The following FSIP1 variants were observed in gnomAD, a reference collection of about 807,000 sequenced individuals.
FSIP1 encodes the protein fibrous sheath interacting protein 1, also known as fibrous sheath-interacting protein 1.
FSIP1 carries 65 observed loss-of-function variants against 60.9 expected under a neutral mutation model. The observed-to-expected ratio is 1.07, with a 90% CI of 0.87 to 1.31. The LOEUF (loss-of-function observed/expected upper bound fraction) is 1.31, where lower values mean the gene tolerates loss of function less well. Among genes scored for constraint, FSIP1 ranks in the 40% most tolerant of loss-of-function variants. The pLI, the probability that FSIP1 is intolerant of heterozygous loss-of-function variation, is 0.00. For synonymous variants in FSIP1, 209 were observed against 221.2 expected (o/e 0.94, Z 0.49); for missense variants, 675 against 665.5 (o/e 1.01, Z -0.16).
chr15:39,779,465 A>G (rs1374029081), intron 1 of FSIP1, among the ~76,000 whole-genome samples: 1 of 152,216 alleles, frequency 6.6e-6, no homozygotes, highest in Admixed American at 6.5e-5. Flanking sequence ...AAAGATCTCT[A>G]GAATGTACTA....
intron 10 of FSIP1, among the ~76,000 whole-genome samples, chr15:39,707,265 G>A (rs1895312245): frequency 6.6e-6 from 1 of 152,044 alleles, no homozygotes; most frequent in Non-Finnish European, 1.5e-5. Context: ...AACCTCCCCT[G>A]GGCTACCTGA....
At chr15:39,744,667 T>G (rs1320675485) in intron 5 of FSIP1, among the ~76,000 whole-genome samples, 1 of 151,312 alleles carries the variant, frequency 6.6e-6, no homozygotes, top group Non-Finnish European at 1.5e-5. Context: ...CAACCACCCA[T>G]GACAGCTGCA....
In FSIP1 at chr15:39,738,215, T is replaced by C. The variant is rs1199579010; in HGVS notation, c.781-14A>G. 2.0e-6 allele frequency: 3 copies of C among 1,521,372 alleles called. No individual in the cohort carries two copies. The highest frequency in any genetic ancestry group is 3.5e-5 in the Admixed American group (2 of 57,780). The allele number at this position is 1,521,372 out of a possible 1,614,324, so 94.2% of individuals were successfully genotyped here. The stretch of plus-strand genomic sequence containing the variant: ...TTCCTTGGCCAACTACAGAATTTAT[T>C]AATGGAAAATATCATATACTCAAGG... On this transcript the variant is annotated splice_polypyrimidine_tract_variant and intron_variant, in intron 7 of 11. Transcript: ENST00000350221.
intron 11 of FSIP1, among the ~76,000 whole-genome samples, chr15:39,605,980 T>C (rs1890809427): frequency 6.6e-6 from 1 of 152,250 alleles, no homozygotes; most frequent in Non-Finnish European, 1.5e-5. Context: ...AGGTCTTCCC[T>C]ACCCAGAACC....
intron 10 of FSIP1, among the ~76,000 whole-genome samples, chr15:39,668,203 C>CA (rs5812129): frequency 5.1e-4 from 69 of 135,166 alleles, no homozygotes; most frequent in Admixed American, 1.6e-3. Context: ...ATTAAATTTC[C>CA]AAAAAAAAAA....
Position 39,758,437 on chromosome 15 carries a change from G to A in FSIP1, c.559+5384C>T, listed in dbSNP as rs900037019. On this transcript the variant is annotated intron_variant, in intron 5 of 11. Coordinates refer to ENST00000350221, the MANE Select transcript of FSIP1 (RefSeq NM_152597.5). ...TAGAAAAATCAGTATTTGACTCCTG[G>A]TTTCCAAACTATAGACATTGAGATA... Among the ~76,000 whole-genome samples the A allele has an allele frequency of 2.0e-5, 3 of 151,778 alleles. No individual in the cohort carries two copies. The South Asian group carries it at 6.2e-4, about 32-fold the overall frequency.
intron 10 of FSIP1, among the ~76,000 whole-genome samples, chr15:39,625,205 T>A (rs1420576195): frequency 1.3e-5 from 2 of 152,134 alleles, no homozygotes; most frequent in East Asian, 3.9e-4. Context: ...ATGGCTCGTC[T>A]CCCGTGGCCC....
intron 9 of FSIP1, 90 bp from the exon 10 acceptor site, chr15:39,713,671 C>A: frequency 4.2e-6 from 5 of 1,179,752 alleles, no homozygotes; most frequent in Non-Finnish European, 5.9e-6. Context: ...TGAGGGTTAG[C>A]TTTGCTTCTC....
chr15:39,747,741 C>T (rs569251844), intron 5 of FSIP1, among the ~76,000 whole-genome samples: 5 of 152,210 alleles, frequency 3.3e-5, no homozygotes, highest in Non-Finnish European at 7.4e-5. Flanking sequence ...TAATTTGGGC[C>T]TGGATGCTTG....
chr15:39,739,650 T>C lies in FSIP1; in HGVS notation c.780+15A>G. On this transcript the variant is annotated intron_variant, in intron 7 of 11. Transcript: ENST00000350221. ...TTAGCCCCAAATTCTGGCTTCTGAA[T>C]TTCTAAGTACATACCTCAATGTTTC... is the stretch of plus-strand genomic sequence containing the variant. The C allele has an allele frequency of 6.3e-7, 1 of 1,581,636 alleles. No homozygotes were observed. The highest frequency in any genetic ancestry group is 8.5e-7 in the Non-Finnish European group (1 of 1,172,472).
intron 2 of FSIP1, among the ~76,000 whole-genome samples, chr15:39,774,978 G>A (rs1452399226): frequency 1.3e-5 from 2 of 152,114 alleles, no homozygotes; most frequent in African/African-American, 4.8e-5. Flanking sequence ...TGATTTTGAG[G>A]TCTTCTGTTG....
At chr15:39,703,885 A>G (rs549091450) in intron 10 of FSIP1, among the ~76,000 whole-genome samples, 2 of 152,362 alleles carry the variant, frequency 1.3e-5, no homozygotes, top group African/African-American at 4.8e-5. Flanking sequence ...TATTCATTGC[A>G]GGATAATTCA....
chr15:39,608,402 T>C (rs952894471), intron 11 of FSIP1, among the ~76,000 whole-genome samples: 6 of 152,210 alleles, frequency 3.9e-5, no homozygotes, highest in African/African-American at 1.4e-4. Context: ...AATAAAGTCA[T>C]ATCTTAGCAA....
chr15:39,729,370 A>C (rs550647227), intron 8 of FSIP1, among the ~76,000 whole-genome samples: 5 of 152,208 alleles, frequency 3.3e-5, no homozygotes, highest in Non-Finnish European at 7.3e-5. Context: ...CCAGGAGTTC[A>C]ATATAAGCCT....
intron 10 of FSIP1, among the ~76,000 whole-genome samples, chr15:39,696,711 C>T (rs1459758882): frequency 6.6e-6 from 1 of 152,064 alleles, no homozygotes; most frequent in Non-Finnish European, 1.5e-5. Flanking sequence ...AATAGACACA[C>T]TCATATAGTA....
chr15:39,638,309 T>C (rs1302445044), intron 10 of FSIP1, among the ~76,000 whole-genome samples: 1 of 152,184 alleles, frequency 6.6e-6, no homozygotes, highest in South Asian at 2.1e-4. Flanking sequence ...TAAAGCAATC[T>C]GCCCTCCAAA....
At chr15:39,657,058 T>C (rs1893100558) in intron 10 of FSIP1, among the ~76,000 whole-genome samples, 1 of 152,234 alleles carries the variant, frequency 6.6e-6, no homozygotes. Context: ...AAGCAGCACC[T>C]GGGACCCTTC....
At chr15:39,624,707 C>T (rs528464425) in intron 10 of FSIP1, among the ~76,000 whole-genome samples, 26 of 152,246 alleles carry the variant, frequency 1.7e-4, no homozygotes, top group African/African-American at 3.6e-4. Context: ...AAGGCAAGTC[C>T]GGCAGGTAGA....
intron 10 of FSIP1, among the ~76,000 whole-genome samples, chr15:39,623,950 C>T (rs1891540521): frequency 6.6e-6 from 1 of 152,326 alleles, no homozygotes; most frequent in Admixed American, 6.5e-5. Context: ...TGAACTGACT[C>T]TGTAAGAGTA....
Sources: allele counts gnomAD v4.1 joint callset (sites outside exome capture counted in the v4.1 genomes callset), GRCh38; gene constraint gnomAD v4.1.1; transcripts MANE v1.5; gene names NCBI Gene and HGNC (gene_info 2026-07-23, HGNC 2026-07-21).